Variants in LIMCH1 observed in about 807,000 individuals in gnomAD.
The protein encoded by LIMCH1 is LIM and calponin homology domains 1.
A neutral mutation model predicts 176.5 loss-of-function variants in LIMCH1; 113 were observed. The observed-to-expected ratio is 0.64, with a 90% CI of 0.55 to 0.75. The LOEUF (loss-of-function observed/expected upper bound fraction) is 0.75. Among genes scored for constraint, LIMCH1 ranks in the 30% least tolerant of loss-of-function variants. The pLI is 0.00. For synonymous variants in LIMCH1, 619 were observed against 645.9 expected (o/e 0.96, Z 0.63); for missense variants, 1,674 against 1,814.9 (o/e 0.92, Z 1.41).
At chr4:41,618,748 G>A (rs1389797005) in intron 5 of LIMCH1, among the ~76,000 whole-genome samples, 4 of 152,154 alleles carry the variant, frequency 2.6e-5, no homozygotes, top group African/African-American at 7.2e-5. Flanking sequence ...GTTATGGGTT[G>A]GTTAAAGATG....
intron 2 of LIMCH1, among the ~76,000 whole-genome samples, chr4:41,519,126 T>C (rs1378445150): frequency 1.3e-5 from 2 of 152,248 alleles, no homozygotes; most frequent in African/African-American, 4.8e-5. Flanking sequence ...AGCATATCTT[T>C]AATTCACCTT....
At chr4:41,545,998 A>T (rs2079327124) in intron 1 of LIMCH1, among the ~76,000 whole-genome samples, 1 of 152,120 alleles carries the variant, frequency 6.6e-6, no homozygotes, top group South Asian at 2.1e-4. Flanking sequence ...CTACCTGTTT[A>T]TTCATTCATC....
At chr4:41,380,264 A>T (rs567987799) in intron 1 of LIMCH1, among the ~76,000 whole-genome samples, 4 of 152,264 alleles carry the variant, frequency 2.6e-5, no homozygotes, top group African/African-American at 9.6e-5. Flanking sequence ...AGTTCTGGAA[A>T]CTTTTATTTA....
chr4:41,582,270 G>A (rs773558537), intron 1 of LIMCH1, among the ~76,000 whole-genome samples: 2 of 152,150 alleles, frequency 1.3e-5, no homozygotes, highest in African/African-American at 2.4e-5. Flanking sequence ...TCCTACCACC[G>A]TGGATCAGGT....
chr4:41,425,204 T>C (rs891920016), intron 1 of LIMCH1, among the ~76,000 whole-genome samples: 2 of 152,218 alleles, frequency 1.3e-5, no homozygotes, highest in Admixed American at 6.5e-5. Context: ...AATTTGCTTG[T>C]TTTAATACAG....
At chr4:41,571,325 A>G (rs2083523383) in intron 1 of LIMCH1, among the ~76,000 whole-genome samples, 1 of 152,138 alleles carries the variant, frequency 6.6e-6, no homozygotes, top group Non-Finnish European at 1.5e-5. Flanking sequence ...GACTTTGACA[A>G]GGAAGGAGAG....
At position 41,446,122 on chromosome 4, in the gene LIMCH1, A is replaced by G. The variant is rs80022281; in HGVS notation, c.97-48414A>G. Among the ~76,000 whole-genome samples, 892 of 152,264 alleles carry G rather than the reference A, an allele frequency of 5.9e-3. 11 individuals are homozygous for G. Among genetic ancestry groups the G allele is most frequent in the African/African-American group, 0.02 (841 of 41,560 alleles). ...GCTGTCAGTCTATTTTCAAAACTGA[A>G]GATGAGGAGGATGATTGTCAACTGC... On this transcript the variant is annotated intron_variant, in intron 1 of 26. Transcript: ENST00000313860.
intron 1 of LIMCH1, among the ~76,000 whole-genome samples, chr4:41,456,135 C>T (rs2064567741): frequency 6.6e-6 from 1 of 152,030 alleles, no homozygotes; most frequent in South Asian, 2.1e-4. Context: ...GTCAGTGAGA[C>T]GATTTGGCCT....
At position 41,546,771 on chromosome 4, in the gene LIMCH1, C is replaced by T. The variant is rs563999154; in HGVS notation, c.-241+8421C>T. The stretch of plus-strand genomic sequence containing the variant: ...ACTCTCCTAGGTAAGCCCCATTCTT[C>T]CCCTAGCTCAATTCAGTGTTCCATT... On this transcript the variant is annotated intron_variant, in intron 1 of 31. Coordinates refer to ENST00000503057, the MANE Select transcript of LIMCH1 (RefSeq NM_001330672.2). Among the ~76,000 whole-genome samples the T allele has an allele frequency of 2.0e-5, 3 of 152,204 alleles. No homozygotes were observed. In the South Asian group the frequency reaches 6.2e-4, roughly 32 times the overall value.
intron 1 of LIMCH1, among the ~76,000 whole-genome samples, chr4:41,590,903 G>A (rs1009816165): frequency 1.3e-5 from 2 of 152,182 alleles, no homozygotes; most frequent in African/African-American, 2.4e-5. Context: ...GTGAACACAC[G>A]GCAGGTACAG....
At chr4:41,463,093 G>T (rs1379630741) in intron 1 of LIMCH1, among the ~76,000 whole-genome samples, 2 of 151,864 alleles carry the variant, frequency 1.3e-5, no homozygotes, top group Non-Finnish European at 2.9e-5. Flanking sequence ...ATTGTCTTCT[G>T]TGCTACTATG....
intron 9 of LIMCH1, 80 bp downstream of exon 9, chr4:41,629,814 TC>T: frequency 1.4e-6 from 2 of 1,406,206 alleles, no homozygotes; most frequent in Non-Finnish European, 1.9e-6. Flanking sequence ...TATCTTTGTG[TC>T]TTTTTTTTTT....
intron 1 of LIMCH1, among the ~76,000 whole-genome samples, chr4:41,458,395 T>G (rs2064877113): frequency 6.6e-6 from 1 of 152,172 alleles, no homozygotes; most frequent in African/African-American, 2.4e-5. Flanking sequence ...GGAATAATAC[T>G]AATCACATAT....
At chr4:41,616,925 C>T (rs2092147312) in intron 5 of LIMCH1, among the ~76,000 whole-genome samples, 1 of 152,156 alleles carries the variant, frequency 6.6e-6, no homozygotes, top group Non-Finnish European at 1.5e-5. Flanking sequence ...TTCAACTGAG[C>T]TACTCTGTCC....
chr4:41,681,009 G>A lies in LIMCH1; in HGVS notation c.3667G>A (p.Ala1223Thr), dbSNP rs199980656. 5.0e-4 allele frequency: 810 copies of A among 1,612,274 alleles called. 3 individuals are homozygous for A. Among genetic ancestry groups the A allele is most frequent in the Non-Finnish European group, 6.4e-4 (759 of 1,178,748 alleles). The change falls in exon 25 of 32, where the codon GCT (alanine) becomes ACT (threonine). Residue 1223 changes from alanine (A) to threonine (T), a missense_variant. Around this residue, in one of 3 missense-constraint regions of LIMCH1, gnomAD observed 1,015 missense variants for 1,102.5 expected, o/e 0.92. Coordinates refer to ENST00000503057, the MANE Select transcript of LIMCH1 (RefSeq NM_001330672.2). ...TCCATTTACTGTTTCTTCAAGTTCCGCTGACCAGCTGTCTACCTCTTCCTC... is the reference window on the plus strand; with the variant it reads ...TCCATTTACTGTTTCTTCAAGTTCCACTGACCAGCTGTCTACCTCTTCCTC... ...VVPFTVSSSS[A>T]DQLSTSSSMT...
At chr4:41,439,847 T>A (rs2062513758) in intron 1 of LIMCH1, among the ~76,000 whole-genome samples, 1 of 151,942 alleles carries the variant, frequency 6.6e-6, no homozygotes, top group Non-Finnish European at 1.5e-5. Context: ...GAGGTTGCAG[T>A]GAGCCGAGAT....
chr4:41,663,852 TAAAAAAAAAAAA>T (rs34659309), intron 20 of LIMCH1, among the ~76,000 whole-genome samples: 1 of 82,760 alleles, frequency 1.2e-5, no homozygotes, highest in African/African-American at 5.3e-5. Context: ...TCTTCATCTC[TAAAAAAAAAAAA>T]AAAAAAAAAT....
intron 1 of LIMCH1, among the ~76,000 whole-genome samples, chr4:41,372,595 T>C (rs528585096): frequency 6.1e-4 from 93 of 152,358 alleles, no homozygotes; most frequent in Admixed American, 1.4e-3. Flanking sequence ...TTGGGTCATA[T>C]GGAAAATGTT....
intron 1 of LIMCH1, among the ~76,000 whole-genome samples, chr4:41,468,103 C>T (rs1379470296): frequency 1.3e-5 from 2 of 152,180 alleles, no homozygotes; most frequent in Non-Finnish European, 2.9e-5. Context: ...TTTATTTTTA[C>T]AGGTCTTCAA....
Sources: allele counts gnomAD v4.1 joint callset (sites outside exome capture counted in the v4.1 genomes callset), GRCh38; gene constraint gnomAD v4.1.1; regional missense constraint gnomAD v4.1.1; transcripts MANE v1.5; gene names NCBI Gene and HGNC (gene_info 2026-07-23, HGNC 2026-07-21).